DCHS2: variants seen among roughly 807,000 people sequenced by gnomAD.
DCHS2 encodes the protein protocadherin-23.
A neutral mutation model predicts 182.4 loss-of-function variants in DCHS2; 142 were observed. That is an observed-to-expected ratio of 0.78 (90% CI 0.68 to 0.89). DCHS2 has a LOEUF of 0.89. Among genes scored for constraint, DCHS2 ranks in the 40% least tolerant of loss-of-function variants. The pLI, the probability that DCHS2 is intolerant of heterozygous loss-of-function variation, is 0.00. For missense variants in DCHS2, 4,319 were observed against 4,198.6 expected (o/e 1.03, Z -0.79); for synonymous variants, 1,740 against 1,663.3 (o/e 1.05, Z -1.12).
chr4:154,278,679 A>C (rs1733983242), intron 13 of DCHS2, among the ~76,000 whole-genome samples: 1 of 152,024 alleles, frequency 6.6e-6, no homozygotes, highest in South Asian at 2.1e-4. Flanking sequence ...CCATAAGATT[A>C]AGTGGATTTC....
At chr4:154,298,988 G>T (rs1030661805) in intron 12 of DCHS2, among the ~76,000 whole-genome samples, 3 of 152,036 alleles carry the variant, frequency 2.0e-5, no homozygotes, top group Admixed American at 2.0e-4. Flanking sequence ...ATTTGCAGCC[G>T]TATGATTTTT....
At chr4:154,319,730 G>C (rs1035086410) in intron 9 of DCHS2, among the ~76,000 whole-genome samples, 1 of 150,324 alleles carries the variant, frequency 6.7e-6, no homozygotes, top group Non-Finnish European at 1.5e-5. Context: ...CTTGTATACT[G>C]TTGGTGGGAA....
At chr4:154,250,944 T>A (rs1732321334) in intron 16 of DCHS2, among the ~76,000 whole-genome samples, 1 of 152,384 alleles carries the variant, frequency 6.6e-6, no homozygotes, top group South Asian at 2.1e-4. Flanking sequence ...ACTTAGTTGC[T>A]TCTTTGGTGT....
rs1731301990 is a variant in DCHS2, at chr4:154,233,725, A to T, written c.*811T>A. ...CTTATAAGACAAGACCTGAAAAAAA[A>T]GCCATTCTGTTTGTAAAGAAGGCCA... On this transcript the variant is annotated 3_prime_UTR_variant, in exon 20 of 20. Coordinates refer to ENST00000357232, the MANE Select transcript of DCHS2 (RefSeq NM_001358235.2). 1 of 152,188 alleles carries T rather than the reference A, an allele frequency of 6.6e-6. No individual in the cohort carries two copies. Among genetic ancestry groups the T allele is most frequent in the South Asian group, 2.1e-4 (1 of 4,824 alleles). The allele number at this position is 152,188 out of a possible 1,614,324, so 9.4% of individuals were successfully genotyped here. A position where few individuals can be genotyped will look rare whatever the true frequency, so the allele number is the denominator to read the frequency against.
At chr4:154,444,276 A>G (rs1056939541) in intron 1 of DCHS2, among the ~76,000 whole-genome samples, 2 of 152,132 alleles carry the variant, frequency 1.3e-5, no homozygotes, top group Non-Finnish European at 2.9e-5. Context: ...TATATCCAAC[A>G]ATGTATGCCT....
intron 19 of DCHS2, chr4:154,237,394 C>A: frequency 2.0e-6 from 1 of 499,234 alleles, no homozygotes; most frequent in Non-Finnish European, 3.0e-6. Flanking sequence ...ATGTGTGCTG[C>A]TTGAGGTTGC....
chr4:154,287,640 T>G (rs1212889477), intron 13 of DCHS2, among the ~76,000 whole-genome samples: 4 of 152,076 alleles, frequency 2.6e-5, no homozygotes, highest in Admixed American at 6.6e-5. Flanking sequence ...GCACCATACC[T>G]GGCTAATTTT....
intron 1 of DCHS2, among the ~76,000 whole-genome samples, chr4:154,437,521 T>TG (rs1031921857): frequency 6.6e-6 from 1 of 152,232 alleles, no homozygotes; most frequent in African/African-American, 2.4e-5. Flanking sequence ...ATTGGGTTTA[T>TG]GTTTTTAATC....
At chr4:154,248,554 A>G (rs1015306263) in intron 16 of DCHS2, among the ~76,000 whole-genome samples, 7 of 152,200 alleles carry the variant, frequency 4.6e-5, no homozygotes, top group South Asian at 2.1e-4. Flanking sequence ...AAAAAATCAA[A>G]TTAAGAAAAT....
chr4:154,329,225 A>G (rs1300792083), intron 6 of DCHS2, among the ~76,000 whole-genome samples: 1 of 152,228 alleles, frequency 6.6e-6, no homozygotes, highest in Non-Finnish European at 1.5e-5. Context: ...AAACTACTGG[A>G]AAAACAAGCC....
intron 3 of DCHS2, among the ~76,000 whole-genome samples, chr4:154,358,965 A>G (rs970153888): frequency 6.6e-6 from 1 of 151,640 alleles, no homozygotes; most frequent in African/African-American, 2.4e-5. Context: ...AATAATAAAT[A>G]ATAAAATCAT....
chr4:154,349,118 G>A (rs1198013417), intron 3 of DCHS2, among the ~76,000 whole-genome samples: 1 of 151,892 alleles, frequency 6.6e-6, no homozygotes, highest in African/African-American at 2.4e-5. Flanking sequence ...ATCTTAATTG[G>A]CTTTTATTTG....
At chr4:154,285,971 G>A (rs1734376384) in intron 13 of DCHS2, among the ~76,000 whole-genome samples, 1 of 152,166 alleles carries the variant, frequency 6.6e-6, no homozygotes, top group South Asian at 2.1e-4. Context: ...AGTGGTGGTG[G>A]TCACAGGGGT....
intron 1 of DCHS2, among the ~76,000 whole-genome samples, chr4:154,401,744 G>A (rs1161391267): frequency 1.3e-5 from 2 of 152,216 alleles, no homozygotes; most frequent in Non-Finnish European, 2.9e-5. Context: ...TGTAATCCCA[G>A]CACTTTGGGA....
At position 154,237,017 on chromosome 4, in the gene DCHS2, A is replaced by T. The variant is rs773146073; in HGVS notation, c.7635T>A (p.Tyr2545Ter). ...AGGATTTGACTGTGAATTCAGGGGCATAATTGTTCATATCTTCTATTCCTA... is the reference window on the plus strand; with the variant it reads ...AGGATTTGACTGTGAATTCAGGGGCTTAATTGTTCATATCTTCTATTCCTA... ...VEIGIEDMNNYAPEFTVKSYN... is the reference protein window; with the variant it reads ...VEIGIEDMNN Residue 2545 changes from tyrosine to a stop codon, truncating the protein, a stop_gained, in exon 20 of 20, where the codon TAT (tyrosine) becomes TAA (stop). Transcript: ENST00000357232. LOFTEE classifies it low-confidence loss of function (END_TRUNC). 6.2e-7 allele frequency: 1 copy of T among 1,614,020 alleles called. No homozygotes were observed.
chr4:154,400,524 C>T (rs1732129135), intron 1 of DCHS2, among the ~76,000 whole-genome samples: 2 of 152,102 alleles, frequency 1.3e-5, no homozygotes, highest in Admixed American at 6.6e-5. Context: ...GACACCCTTG[C>T]AAATCAGAGT....
rs749833386 is a variant in DCHS2 at position 154,240,541 on chromosome 4, T to C, written c.7355A>G (p.Tyr2452Cys). The change falls in exon 18 of 20, where the codon TAT becomes TGT. Residue 2452 changes from tyrosine to cysteine, a missense_variant. Transcript: ENST00000357232. ...DNPPVFSQDF[Y>C]QVTVPESIPV... is the part of the protein sequence containing the mutation. ...GCATCTCTTTAAGCCCTTTACCTGATAGAAATCTTGAGAAAACACTGGTGG... is the reference window on the plus strand; with the variant it reads ...GCATCTCTTTAAGCCCTTTACCTGACAGAAATCTTGAGAAAACACTGGTGG... The C allele has an allele frequency of 5.6e-6, 9 of 1,613,164 alleles. No individual in the cohort carries two copies. The Admixed American group carries it at 1.0e-4, about 18-fold the overall frequency.
chr4:154,415,623 C>A (rs1210903027), intron 1 of DCHS2, among the ~76,000 whole-genome samples: 1 of 152,188 alleles, frequency 6.6e-6, no homozygotes, highest in African/African-American at 2.4e-5. Flanking sequence ...GCTAAAGAAT[C>A]TCAAGTAAGC....
intron 1 of DCHS2, among the ~76,000 whole-genome samples, chr4:154,434,347 G>A (rs1733686680): frequency 6.6e-6 from 1 of 152,168 alleles, no homozygotes; most frequent in Admixed American, 6.5e-5. Context: ...GCTTGAGCCT[G>A]GGAGGTGGAT....
Sources: gnomAD v4.1 joint callset for allele counts (sites outside exome capture counted in the v4.1 genomes callset) on GRCh38, gnomAD v4.1.1 for gene constraint, MANE v1.5 for transcripts, NCBI Gene and HGNC (gene_info 2026-07-23, HGNC 2026-07-21) for gene names.